Variants in GSG1L observed in about 807,000 individuals in gnomAD.
GSG1L encodes GSG1 like, also known as germ cell-specific gene 1-like protein.
In GSG1L, 24 loss-of-function variants were observed where a neutral mutation model predicts 42.1. That is an observed-to-expected ratio of 0.57 (90% CI 0.41 to 0.80). The LOEUF is 0.80. Ranked by LOEUF, GSG1L falls within the 30% of genes least tolerant of loss-of-function variation. GSG1L has a pLI of 0.00. For synonymous variants in GSG1L, 215 were observed against 203.5 expected, an observed-to-expected ratio of 1.06 and a Z score of -0.48; for missense variants, 445 against 472.2, an observed-to-expected ratio of 0.94 and a Z score of 0.53.
At chr16:27,827,491 G>A (rs2083223645) in intron 5 of GSG1L, among the ~76,000 whole-genome samples, 1 of 152,144 alleles carries the variant, frequency 6.6e-6, no homozygotes, top group Admixed American at 6.5e-5. Flanking sequence ...CAGGGTGTAG[G>A]TTGGCACTAG....
intron 2 of GSG1L, among the ~76,000 whole-genome samples, chr16:27,885,315 A>C (rs939588237): frequency 5.3e-5 from 8 of 151,582 alleles, no homozygotes; most frequent in South Asian, 2.1e-4. Context: ...AAACCCAGCT[A>C]ATTTTTTATT....
intron 3 of GSG1L, among the ~76,000 whole-genome samples, chr16:27,850,272 G>T (rs1361245720): frequency 2.6e-5 from 4 of 151,752 alleles, no homozygotes; most frequent in Non-Finnish European, 5.9e-5. Context: ...CAGGTGATCT[G>T]CCCACCTTGG....
In GSG1L at chr16:27,807,561, A is replaced by T. The variant is rs763802879; in HGVS notation, c.831-7T>A. 1 of 1,608,928 alleles carries T rather than the reference A, an allele frequency of 6.2e-7. No homozygotes were observed. Among genetic ancestry groups the T allele is most frequent in the South Asian group, 1.1e-5 (1 of 90,742 alleles). On this transcript the variant is annotated splice_polypyrimidine_tract_variant and splice_region_variant and intron_variant, in intron 5 of 6. Coordinates refer to ENST00000447459, the MANE Select transcript of GSG1L (RefSeq NM_001109763.2). Reference sequence around the variant, plus strand: ...CCCGTCCCTCTTCTCCATCCTGGAAAGAAAAAAAAACAAAAACAAAATCCT... The same window carrying T: ...CCCGTCCCTCTTCTCCATCCTGGAATGAAAAAAAAACAAAAACAAAATCCT...
At chr16:28,054,032 T>TCGCAGCCTCCCTCTGCATCCC (rs2086250791) in intron 1 of GSG1L, among the ~76,000 whole-genome samples, 1 of 151,908 alleles carries the variant, frequency 6.6e-6, no homozygotes, top group East Asian at 1.9e-4. Context: ...CTCTGCATCC[T>TCGCAGCCTCCCTCTGCATCCC]TCTCAGATTC....
chr16:27,999,668 C>A (rs1398169489), intron 1 of GSG1L, among the ~76,000 whole-genome samples: 1 of 152,184 alleles, frequency 6.6e-6, no homozygotes, highest in Non-Finnish European at 1.5e-5. Context: ...CAATACCTCT[C>A]AAGGGAGTAC....
chr16:28,055,630 C>T (rs544004585), intron 1 of GSG1L, among the ~76,000 whole-genome samples: 12 of 151,994 alleles, frequency 7.9e-5, no homozygotes, highest in Admixed American at 5.2e-4. Context: ...TGCCACCACC[C>T]GGCTAATTTT....
chr16:27,865,902 T>C (rs2083718480), intron 3 of GSG1L, among the ~76,000 whole-genome samples: 1 of 151,924 alleles, frequency 6.6e-6, no homozygotes, highest in South Asian at 2.1e-4. Context: ...GGTCTCACTA[T>C]GTTGCCCAGG....
chr16:27,899,486 G>A (rs971074194), intron 2 of GSG1L, among the ~76,000 whole-genome samples: 1 of 152,210 alleles, frequency 6.6e-6, no homozygotes, highest in Non-Finnish European at 1.5e-5. Context: ...GGAGGCTGAG[G>A]CGGGAGGATC....
At chr16:27,915,818 C>A (rs946861424) in intron 2 of GSG1L, among the ~76,000 whole-genome samples, 2 of 152,130 alleles carry the variant, frequency 1.3e-5, no homozygotes, top group African/African-American at 4.8e-5. Context: ...ACAATAGGAT[C>A]ATGTCAGGTA....
At chr16:27,988,816 A>T (rs2085418919) in intron 1 of GSG1L, among the ~76,000 whole-genome samples, 1 of 151,022 alleles carries the variant, frequency 6.6e-6, no homozygotes, top group Non-Finnish European at 1.5e-5. Flanking sequence ...GCACTTTGGG[A>T]GGCCGAGGTG....
intron 2 of GSG1L, among the ~76,000 whole-genome samples, chr16:27,937,475 C>T (rs1000598999): frequency 6.6e-5 from 10 of 152,194 alleles, no homozygotes; most frequent in Non-Finnish European, 1.2e-4. Context: ...CTCCTGACCT[C>T]GGGTGATCTG....
At chr16:28,048,471 A>G (rs146619367) in intron 1 of GSG1L, among the ~76,000 whole-genome samples, 155 of 152,298 alleles carry the variant, frequency 1.0e-3, no homozygotes, top group African/African-American at 3.6e-3. Context: ...TATGTTGCCC[A>G]GTCTGGTCTC....
chr16:27,919,407 T>C (rs932397535), intron 2 of GSG1L, among the ~76,000 whole-genome samples: 2 of 152,090 alleles, frequency 1.3e-5, no homozygotes, highest in African/African-American at 2.4e-5. Flanking sequence ...CCCCAACCAT[T>C]CTCTCTTTCT....
At chr16:27,954,910 T>G (rs2141099263) in intron 2 of GSG1L, among the ~76,000 whole-genome samples, 1 of 152,314 alleles carries the variant, frequency 6.6e-6, no homozygotes, top group East Asian at 1.9e-4. Flanking sequence ...TCCTCCTGCC[T>G]CAGCCTCCCA....
rs201480876 is a variant in GSG1L, at chr16:28,046,341, CTTTTTTTTTTTT to C, written c.349+16723_349+16734del. On this transcript the variant is annotated intron_variant, in intron 1 of 6. Coordinates refer to ENST00000447459, the MANE Select transcript of GSG1L (RefSeq NM_001109763.2). ...ACATGCATTGAGGAGGAAGTCCACT[CTTTTTTTTTTTT>C]TTTTTTTTTTTTTTTTCTGAGACGG... Among the ~76,000 whole-genome samples the C allele has an allele frequency of 8.5e-4, 65 of 76,042 alleles. No individual in the cohort carries two copies. The East Asian group carries it at 0.014, about 16-fold the overall frequency. 49.9% of individuals were successfully genotyped at this position (76,042 alleles called of 152,430 possible). A position where few individuals can be genotyped will look rare whatever the true frequency, so the allele number is the denominator to read the frequency against.
intron 6 of GSG1L, among the ~76,000 whole-genome samples, chr16:27,794,392 G>A (rs911877946): frequency 8.6e-5 from 13 of 151,222 alleles, no homozygotes; most frequent in Admixed American, 2.6e-4. Context: ...GTGCAGTGGC[G>A]CGATCTCGGC....
chr16:27,821,103 C>T (rs1426627185), intron 5 of GSG1L, among the ~76,000 whole-genome samples: 3 of 152,126 alleles, frequency 2.0e-5, no homozygotes, highest in African/African-American at 4.8e-5. Flanking sequence ...TGGGACTGGC[C>T]CCTCCTGCCT....
chr16:28,029,483 T>C, intron 1 of GSG1L, among the ~76,000 whole-genome samples: 1 of 152,002 alleles, frequency 6.6e-6, no homozygotes, highest in East Asian at 1.9e-4. Flanking sequence ...GGATTATGAA[T>C]GATGGAAAAA....
chr16:27,998,991 C>G (rs1473981641), intron 1 of GSG1L, among the ~76,000 whole-genome samples: 1 of 152,098 alleles, frequency 6.6e-6, no homozygotes, highest in East Asian at 1.9e-4. Context: ...AAAAAAGTCC[C>G]TCTATATGAC....
Sources: gnomAD v4.1 joint callset for allele counts (sites outside exome capture counted in the v4.1 genomes callset) on GRCh38, gnomAD v4.1.1 for gene constraint, MANE v1.5 for transcripts, NCBI Gene and HGNC (gene_info 2026-07-23, HGNC 2026-07-21) for gene names.